Variants in CYFIP2 observed in about 807,000 individuals in gnomAD.
The protein encoded by CYFIP2 is cytoplasmic FMR1 interacting protein 2.
CYFIP2 carries 29 observed loss-of-function variants against 158.7 expected under a neutral mutation model. The ratio of observed to expected loss-of-function variants is 0.18; its 90% CI spans 0.14 to 0.25. CYFIP2 has a LOEUF of 0.25. Among genes scored for constraint, CYFIP2 ranks in the 10% least tolerant of loss-of-function variants. The probability of loss-of-function intolerance (pLI) is 1.00; values close to 1 mark genes in which losing one functional copy is unlikely to be tolerated. For missense variants in CYFIP2, 852 were observed against 1,639.5 expected, an observed-to-expected ratio of 0.52 and a Z score of 8.29; for synonymous variants, 585 against 617.6, an observed-to-expected ratio of 0.95 and a Z score of 0.78.
At chr5:157,384,312 A>G (rs1207739335) in intron 28 of CYFIP2, 1 of 456,782 alleles carries the variant, frequency 2.2e-6, no homozygotes. Context: ...AGTTGATTTC[A>G]GCAAGCTTCA....
intron 14 of CYFIP2, 128 bp from the exon 15 acceptor site, chr5:157,320,527 G>A: frequency 8.1e-7 from 1 of 1,242,174 alleles, no homozygotes; most frequent in Non-Finnish European, 1.1e-6. Flanking sequence ...AAATGAGCAT[G>A]CTTTACAAGC....
At chr5:157,285,724 T>G (rs112527842) in intron 2 of CYFIP2, among the ~76,000 whole-genome samples, 1 of 152,218 alleles carries the variant, frequency 6.6e-6, no homozygotes, top group African/African-American at 2.4e-5. Flanking sequence ...CCAAATACCT[T>G]CCAGGCTATT....
chr5:157,301,042 G>T (rs1001565630), intron 6 of CYFIP2, 146 bp downstream of exon 6: 4 of 675,272 alleles, frequency 5.9e-6, no homozygotes, highest in Non-Finnish European at 9.3e-6. Flanking sequence ...GTGAGGCTTG[G>T]CCTGTTTCAG....
chr5:157,357,959 G>A (rs901871750), intron 23 of CYFIP2, among the ~76,000 whole-genome samples: 18 of 152,250 alleles, frequency 1.2e-4, no homozygotes, highest in African/African-American at 1.4e-4. Flanking sequence ...GGAATCAGCC[G>A]TACCCACTTC....
At position 157,287,142 on chromosome 5, in the gene CYFIP2, T is replaced by C. The variant is rs370614335; in HGVS notation, c.207+34T>C. On this transcript the variant is annotated intron_variant, in intron 3 of 30. Transcript: ENST00000620254. Reference sequence around the variant, plus strand: ...CTGTGACCCACGTGTGCAGACATGCTCCCTGCTGGGCTGGCAGGGGCCGCG... The same window carrying C: ...CTGTGACCCACGTGTGCAGACATGCCCCCTGCTGGGCTGGCAGGGGCCGCG... 2.0e-5 allele frequency: 32 copies of C among 1,591,748 alleles called. No homozygotes were observed. The African/African-American group carries it at 3.9e-4, about 19-fold the overall frequency.
At chr5:157,294,311 G>A (rs919662656) in intron 3 of CYFIP2, among the ~76,000 whole-genome samples, 1 of 152,222 alleles carries the variant, frequency 6.6e-6, no homozygotes, top group Admixed American at 6.5e-5. Context: ...CAGCTTGGAG[G>A]TTAGAAGCAA....
chr5:157,310,587 C>G (rs923139293), intron 10 of CYFIP2, among the ~76,000 whole-genome samples: 1 of 152,208 alleles, frequency 6.6e-6, no homozygotes, highest in Non-Finnish European at 1.5e-5. Flanking sequence ...TAGCGCGTGA[C>G]GGGGTTTTGC....
chr5:157,353,342 C>T (rs1763198270), intron 23 of CYFIP2, among the ~76,000 whole-genome samples: 1 of 152,174 alleles, frequency 6.6e-6, no homozygotes, highest in Non-Finnish European at 1.5e-5. Context: ...GAAGGCTCGG[C>T]TCCTGTTCCC....
intron 18 of CYFIP2, among the ~76,000 whole-genome samples, chr5:157,327,656 G>T (rs1015782590): frequency 6.6e-6 from 1 of 152,114 alleles, no homozygotes; most frequent in East Asian, 1.9e-4. Flanking sequence ...GTTAGCGGAC[G>T]AATTTGAGCA....
chr5:157,277,470 T>G (rs1010274876), intron 1 of CYFIP2, among the ~76,000 whole-genome samples: 1 of 152,232 alleles, frequency 6.6e-6, no homozygotes, highest in South Asian at 2.1e-4. Flanking sequence ...TCCTCTCTCC[T>G]ATGTTGTCAG....
chr5:157,294,194 A>G (rs1204464408), intron 3 of CYFIP2, among the ~76,000 whole-genome samples: 1 of 152,160 alleles, frequency 6.6e-6, no homozygotes. Flanking sequence ...CATTAGTTTT[A>G]CAAAGGCAGT....
chr5:157,333,350 G>C lies in CYFIP2; in HGVS notation c.2289G>C (p.Leu763Phe), dbSNP rs1267140890. The C allele has an allele frequency of 6.2e-7, 1 of 1,613,942 alleles. No individual in the cohort carries two copies. The highest frequency in any genetic ancestry group is 8.5e-7 in the Non-Finnish European group (1 of 1,179,878). Residue 763 changes from leucine to phenylalanine, a missense_variant, in exon 21 of 31, where the codon TTG becomes TTC. Physicochemically the swap from Leu to Phe is conservative, Grantham distance 22. Around this residue, in one of 8 missense-constraint regions of CYFIP2, gnomAD observed 191 missense variants for 311.2 expected, o/e 0.61. Coordinates refer to ENST00000620254, the MANE Select transcript of CYFIP2 (RefSeq NM_001037333.3). ...HVQLLGRSID[L>F]NRLITQRISA... ...AGCTGTTGGGTAGATCAATTGACTTGAACAGACTCATTACCCAGCGCATCT... is the reference window on the plus strand; with the variant it reads ...AGCTGTTGGGTAGATCAATTGACTTCAACAGACTCATTACCCAGCGCATCT...
At chr5:157,378,331 T>A (rs1307142691) in intron 26 of CYFIP2, among the ~76,000 whole-genome samples, 1 of 152,160 alleles carries the variant, frequency 6.6e-6, no homozygotes, top group African/African-American at 2.4e-5. Flanking sequence ...CTTGTTCTTC[T>A]TCAAACTGCA....
At chr5:157,382,806 T>C (rs1199586105) in intron 27 of CYFIP2, 144 bp downstream of exon 27, 6 of 866,140 alleles carry the variant, frequency 6.9e-6, no homozygotes, top group Non-Finnish European at 1.1e-5. Flanking sequence ...AATCACAAAT[T>C]GGAAGATGGA....
At chr5:157,270,784 A>G (rs1756028122) in intron 1 of CYFIP2, among the ~76,000 whole-genome samples, 1 of 152,248 alleles carries the variant, frequency 6.6e-6, no homozygotes, top group South Asian at 2.1e-4. Context: ...TTAGAGAAGC[A>G]TGATATTTTA....
rs1039061305 is a variant in CYFIP2, at chr5:157,394,507, A to G, written c.*1507A>G. The G allele has an allele frequency of 7.9e-5, 12 of 152,192 alleles. No homozygotes were observed. Among genetic ancestry groups the G allele is most frequent in the Non-Finnish European group, 1.6e-4 (11 of 68,028 alleles). 9.4% of individuals were successfully genotyped at this position (152,192 alleles called of 1,614,324 possible). A position where few individuals can be genotyped will look rare whatever the true frequency, so the allele number is the denominator to read the frequency against. ...GGTGAGGAAAGGGGGCCACATATGA[A>G]AGGCCCCTTAGGTCAGATCCTGAGA... On this transcript the variant is annotated 3_prime_UTR_variant, in exon 31 of 31. Coordinates refer to ENST00000620254, the MANE Select transcript of CYFIP2 (RefSeq NM_001037333.3).
intron 26 of CYFIP2, chr5:157,376,861 T>C (rs1203769113): frequency 4.4e-6 from 2 of 456,462 alleles, no homozygotes; most frequent in East Asian, 1.4e-4. Context: ...GCCTCACATC[T>C]AGTTGCCTTT....
At chr5:157,281,389 G>A (rs1756975082) in intron 1 of CYFIP2, among the ~76,000 whole-genome samples, 1 of 152,116 alleles carries the variant, frequency 6.6e-6, no homozygotes, top group Non-Finnish European at 1.5e-5. Context: ...ATACTTTTAT[G>A]GAAAGAAACA....
intron 7 of CYFIP2, 110 bp downstream of exon 7, chr5:157,303,000 C>G (rs1236069801): frequency 2.6e-6 from 2 of 778,590 alleles, no homozygotes; most frequent in Admixed American, 2.8e-5. Flanking sequence ...TCTGCAGCTT[C>G]CATCTCCACT....
Sources: allele counts gnomAD v4.1 joint callset (sites outside exome capture counted in the v4.1 genomes callset), GRCh38; gene constraint gnomAD v4.1.1; regional missense constraint gnomAD v4.1.1; transcripts MANE v1.5; gene names NCBI Gene and HGNC (gene_info 2026-07-23, HGNC 2026-07-21).